The following RBMS3 variants were observed in gnomAD, a reference collection of about 807,000 sequenced individuals.
RBMS3 encodes RNA binding motif single stranded interacting protein 3.
Under a neutral mutation model 66.8 loss-of-function variants are expected in RBMS3, and 27 were observed. The observed-to-expected ratio is 0.40, with a 90% CI of 0.30 to 0.56. The LOEUF is 0.56. Ranked by LOEUF, RBMS3 falls within the 20% of genes least tolerant of loss-of-function variation. The pLI, the probability that RBMS3 is intolerant of heterozygous loss-of-function variation, is 0.40. For synonymous variants in RBMS3, 188 were observed against 183.0 expected (o/e 1.03, Z -0.22); for missense variants, 513 against 549.5 (o/e 0.93, Z 0.66).
At chr3:29,773,856 C>T (rs998407616) in intron 6 of RBMS3, among the ~76,000 whole-genome samples, 2 of 152,036 alleles carry the variant, frequency 1.3e-5, no homozygotes, top group African/African-American at 4.8e-5. Context: ...TATACTATCT[C>T]TATAGCTTTC....
chr3:29,458,719 A>C (rs55854646), intron 2 of RBMS3, among the ~76,000 whole-genome samples: 10,920 of 152,224 alleles, frequency 0.072, 464 homozygotes, highest in East Asian at 0.16. Flanking sequence ...CAGAAAAAAG[A>C]CCTATTATAA....
chr3:29,347,634 A>G (rs1389170077), intron 1 of RBMS3, among the ~76,000 whole-genome samples: 2 of 152,184 alleles, frequency 1.3e-5, no homozygotes, highest in African/African-American at 4.8e-5. Flanking sequence ...CAAGGTTATG[A>G]CAAAGATTTT....
intron 2 of RBMS3, among the ~76,000 whole-genome samples, chr3:29,482,707 T>TTC (rs2043177706): frequency 3.7e-5 from 4 of 109,580 alleles, no homozygotes; most frequent in Admixed American, 2.9e-4. Flanking sequence ...CTTTCTTTTT[T>TTC]TTTTTTTTTT....
At chr3:29,329,612 C>T (rs758844729) in intron 1 of RBMS3, among the ~76,000 whole-genome samples, 3 of 151,818 alleles carry the variant, frequency 2.0e-5, no homozygotes, top group African/African-American at 7.2e-5. Context: ...GAAGGTACTA[C>T]AGAATATTAA....
chr3:29,425,213 A>C (rs1307910814), intron 1 of RBMS3, among the ~76,000 whole-genome samples: 27 of 103,500 alleles, frequency 2.6e-4, no homozygotes, highest in South Asian at 7.2e-4. Flanking sequence ...CCCCCAAAAA[A>C]AACAAAAAAA....
At chr3:29,492,570 A>T (rs1204823468) in intron 3 of RBMS3, among the ~76,000 whole-genome samples, 1 of 152,172 alleles carries the variant, frequency 6.6e-6, no homozygotes, top group Non-Finnish European at 1.5e-5. Context: ...GATACTAGGG[A>T]TCTGTAGACC....
chr3:29,524,336 A>C (rs1280951606), intron 3 of RBMS3, among the ~76,000 whole-genome samples: 2 of 148,010 alleles, frequency 1.4e-5, no homozygotes, highest in African/African-American at 4.9e-5. Context: ...CTGAGAACTG[A>C]TGATGCTTTT....
intron 5 of RBMS3, among the ~76,000 whole-genome samples, chr3:29,745,261 C>G (rs943707659): frequency 6.6e-6 from 1 of 151,064 alleles, no homozygotes; most frequent in Non-Finnish European, 1.5e-5. Context: ...TTTTTTTACT[C>G]TCTTGTAACT....
At chr3:29,832,031 T>C (rs1021528684) in intron 6 of RBMS3, among the ~76,000 whole-genome samples, 2 of 152,190 alleles carry the variant, frequency 1.3e-5, no homozygotes, top group South Asian at 2.1e-4. Context: ...TATTTCTCTC[T>C]ACACTATTCC....
At chr3:29,723,231 C>T (rs1047099093) in intron 4 of RBMS3, among the ~76,000 whole-genome samples, 4 of 152,150 alleles carry the variant, frequency 2.6e-5, no homozygotes, top group African/African-American at 7.2e-5. Context: ...CCACCTCATC[C>T]TCCCAAAGTG....
At position 29,567,592 on chromosome 3, in the gene RBMS3, C is replaced by T. The variant is rs566750504; in HGVS notation, c.308-19522C>T. Among the ~76,000 whole-genome samples the T allele has an allele frequency of 1.2e-4, 19 of 152,176 alleles. No homozygotes were observed. In the South Asian group the frequency reaches 3.7e-3, roughly 30 times the overall value. On this transcript the variant is annotated intron_variant, in intron 3 of 14. Transcript: ENST00000383767. Reference sequence around the variant, plus strand: ...ACACAAAAGTGTTATAGGAAGGTGACATTTATGCCCCATTATGAGTGAAGG... The same window carrying T: ...ACACAAAAGTGTTATAGGAAGGTGATATTTATGCCCCATTATGAGTGAAGG...
intron 4 of RBMS3, among the ~76,000 whole-genome samples, chr3:29,724,336 A>G (rs1225020485): frequency 1.3e-5 from 2 of 152,200 alleles, no homozygotes. Flanking sequence ...TCCTTATGTA[A>G]TAAAAATTGT....
intron 4 of RBMS3, among the ~76,000 whole-genome samples, chr3:29,699,610 C>CT (rs923012165): frequency 1.3e-5 from 2 of 152,058 alleles, no homozygotes; most frequent in African/African-American, 2.4e-5. Flanking sequence ...CTCATGTAGC[C>CT]TTTTTTTCTC....
chr3:30,002,867 C>A (rs116570716), intron 14 of RBMS3, among the ~76,000 whole-genome samples: 88 of 152,064 alleles, frequency 5.8e-4, no homozygotes, highest in African/African-American at 2.0e-3. Context: ...AGGGTACATA[C>A]CTTGGGGAGC....
intron 1 of RBMS3, among the ~76,000 whole-genome samples, chr3:29,406,924 A>G (rs938330204): frequency 5.9e-5 from 9 of 152,136 alleles, no homozygotes; most frequent in African/African-American, 2.2e-4. Context: ...TCACTTACCT[A>G]TATCCAGGTT....
intron 4 of RBMS3, among the ~76,000 whole-genome samples, chr3:29,639,657 G>A (rs550949070): frequency 1.1e-3 from 170 of 151,002 alleles, no homozygotes; most frequent in Non-Finnish European, 2.0e-3. Context: ...TAAATAAAAA[G>A]TGTCACTGTA....
At chr3:29,616,894 TC>T (rs1214630652) in intron 4 of RBMS3, 1 of 152,206 alleles carries the variant, frequency 6.6e-6, no homozygotes, top group African/African-American at 2.4e-5. Flanking sequence ...GGTTCCTTAT[TC>T]AAAATCCAAG....
chr3:29,760,252 AAC>A (rs139553062), intron 5 of RBMS3, among the ~76,000 whole-genome samples: 4 of 148,384 alleles, frequency 2.7e-5, no homozygotes, highest in Non-Finnish European at 3.0e-5. Flanking sequence ...ATGTAGAATA[AAC>A]ACACACACAC....
chr3:29,379,633 A>G (rs1232026383), intron 1 of RBMS3, among the ~76,000 whole-genome samples: 1 of 152,200 alleles, frequency 6.6e-6, no homozygotes, highest in Non-Finnish European at 1.5e-5. Context: ...ACCTGTCTCC[A>G]TGATTCAGTT....
Sources: allele counts gnomAD v4.1 joint callset (sites outside exome capture counted in the v4.1 genomes callset), GRCh38; gene constraint gnomAD v4.1.1; transcripts MANE v1.5; gene names NCBI Gene and HGNC (gene_info 2026-07-23, HGNC 2026-07-21).